GON4L: variants seen among roughly 807,000 people sequenced by gnomAD.
GON4L encodes the protein GON-4-like protein.
GON4L carries 87 observed loss-of-function variants against 211.8 expected under a neutral mutation model. The ratio of observed to expected loss-of-function variants is 0.41; its 90% CI spans 0.35 to 0.49. The LOEUF is 0.49. Ranked by LOEUF, GON4L falls within the 20% of genes least tolerant of loss-of-function variation. The probability of loss-of-function intolerance (pLI) is 0.15; values close to 1 mark genes in which losing one functional copy is unlikely to be tolerated. For synonymous variants in GON4L, 875 were observed against 962.6 expected (o/e 0.91, Z 1.68); for missense variants, 2,155 against 2,659.5 (o/e 0.81, Z 4.17).
chr1:155,771,102 G>C lies in GON4L; in HGVS notation c.2611C>G (p.Leu871Val). 6.2e-7 allele frequency: 1 copy of C among 1,614,174 alleles called. No homozygotes were observed. Among genetic ancestry groups the C allele is most frequent in the Non-Finnish European group, 8.5e-7 (1 of 1,180,032 alleles). ...TTGTCAGGAGCTCTGTTCATGTTGA[G>C]GTTCTTGATTCTCACTGTCAGTTGG... ...AHQLTVRIKN[L>V]NMNRAPDNII... is the part of the protein sequence containing the mutation. Residue 871 changes from leucine (L) to valine (V), a missense_variant, in exon 19 of 32, where the codon CTC becomes GTC. By Grantham distance (32) the Leu-to-Val change is conservative. Coordinates refer to ENST00000368331, the MANE Select transcript of GON4L (RefSeq NM_001282860.2).
At chr1:155,789,140 G>A (rs1665260197) in intron 12 of GON4L, among the ~76,000 whole-genome samples, 1 of 151,952 alleles carries the variant, frequency 6.6e-6, no homozygotes, top group Non-Finnish European at 1.5e-5. Flanking sequence ...GATGGTGTGG[G>A]GATTGACTTG....
chr1:155,757,435 C>A, intron 25 of GON4L, 112 bp from the exon 26 acceptor site: 2 of 902,486 alleles, frequency 2.2e-6, no homozygotes, highest in Non-Finnish European at 3.4e-6. Flanking sequence ...CTGGGAAACA[C>A]ACAGAGACTC....
At chr1:155,796,497 C>T (rs1301386590) in intron 11 of GON4L, among the ~76,000 whole-genome samples, 1 of 151,964 alleles carries the variant, frequency 6.6e-6, no homozygotes, top group Non-Finnish European at 1.5e-5. Context: ...AAGCTGGTCT[C>T]GAACTCCTGA....
chr1:155,797,189 A>T (rs1291142979), intron 11 of GON4L, among the ~76,000 whole-genome samples: 1 of 151,704 alleles, frequency 6.6e-6, no homozygotes, highest in Admixed American at 6.6e-5. Context: ...ATCTCAGCTC[A>T]CTGCAACCTC....
At chr1:155,855,979 CAAAAAAAAAAAA>C (rs755007254) in intron 1 of GON4L, among the ~76,000 whole-genome samples, 9 of 23,708 alleles carry the variant, frequency 3.8e-4, no homozygotes, top group South Asian at 3.6e-3. Flanking sequence ...GAGACTCTGT[CAAAAAAAAAAAA>C]AAAAAAAAAA....
At chr1:155,770,226 A>C (rs1488442063) in intron 19 of GON4L, among the ~76,000 whole-genome samples, 1 of 151,920 alleles carries the variant, frequency 6.6e-6, no homozygotes, top group Non-Finnish European at 1.5e-5. Flanking sequence ...AAAAAACAAA[A>C]ACAAAACAAA....
intron 12 of GON4L, among the ~76,000 whole-genome samples, chr1:155,790,930 G>A (rs111461849): frequency 0.067 from 10,064 of 151,046 alleles, 414 homozygotes; most frequent in African/African-American, 0.12. Context: ...GAGACAGAGC[G>A]AGACTCCTTC....
At position 155,814,296 on chromosome 1, in the gene GON4L, T is replaced by C. The variant is rs189178134; in HGVS notation, c.1281+34A>G. 4.5e-4 allele frequency: 712 copies of C among 1,585,888 alleles called. No individual in the cohort carries two copies. The highest frequency in any genetic ancestry group is 5.6e-4 in the Non-Finnish European group (650 of 1,155,998). ...GTTAAAAAATCTACTTAGACAGTTATGTCTAACATCTCTTTTGTATGATGC... is the reference window on the plus strand; with the variant it reads ...GTTAAAAAATCTACTTAGACAGTTACGTCTAACATCTCTTTTGTATGATGC... On this transcript the variant is annotated intron_variant, in intron 9 of 31. Coordinates refer to ENST00000368331, the MANE Select transcript of GON4L (RefSeq NM_001282860.2).
At chr1:155,757,436 A>T (rs979658104) in intron 25 of GON4L, 113 bp from the exon 26 acceptor site, 2 of 901,908 alleles carry the variant, frequency 2.2e-6, no homozygotes, top group Admixed American at 4.7e-5. Context: ...TGGGAAACAC[A>T]CAGAGACTCT....
At chr1:155,749,344 C>T (rs1219039879), downstream of GON4L, 2 of 1,610,260 alleles carry the variant, frequency 1.2e-6, no homozygotes, top group Non-Finnish European at 8.5e-7. Context: ...ACCCCAGGGA[C>T]ACCTCCACCC....
In GON4L at chr1:155,799,624, A is replaced by G. The variant is rs117886817; in HGVS notation, c.1646-4473T>C. 2.0e-5 allele frequency among the ~76,000 whole-genome samples: 3 copies of G among 152,308 alleles called. No individual in the cohort carries two copies. In the East Asian group the frequency reaches 5.8e-4, roughly 29 times the overall value. ...CATACTCATTAGATTCTGATTCAGTAGGTAAGGGGTGAAGCCCTGAAATCT... is the reference window on the plus strand; with the variant it reads ...CATACTCATTAGATTCTGATTCAGTGGGTAAGGGGTGAAGCCCTGAAATCT... On this transcript the variant is annotated intron_variant, in intron 11 of 31. Coordinates refer to ENST00000368331, the MANE Select transcript of GON4L (RefSeq NM_001282860.2).
In GON4L at chr1:155,805,097, C is replaced by T; in HGVS notation, c.1497G>A (p.Met499Ile). Residue 499 changes from methionine to isoleucine, a missense_variant, in exon 11 of 32, where the codon ATG (methionine) becomes ATA (isoleucine). Physicochemically the swap from Met to Ile is conservative, Grantham distance 10. Transcript: ENST00000368331. ...SLIAFRTRSKMPLKDVPLGQL... is the reference protein window; with the variant it reads ...SLIAFRTRSKIPLKDVPLGQL... ...GGCCCAGGGGAACATCTTTCAGGGG[C>T]ATCTTAGAACGCGTTCGAAATGCAA... 6.2e-7 allele frequency: 1 copy of T among 1,613,788 alleles called. No individual in the cohort carries two copies. Among genetic ancestry groups the T allele is most frequent in the Non-Finnish European group, 8.5e-7 (1 of 1,179,768 alleles).
chr1:155,841,247 GT>G (rs1670748858), intron 2 of GON4L, among the ~76,000 whole-genome samples: 1 of 152,072 alleles, frequency 6.6e-6, no homozygotes, highest in African/African-American at 2.4e-5. Context: ...TTCTTTATGT[GT>G]TGTTTTATCT....
At chr1:155,772,904 C>G (rs543523927) in intron 18 of GON4L, among the ~76,000 whole-genome samples, 162 bp downstream of exon 18, 103 of 152,244 alleles carry the variant, frequency 6.8e-4, no homozygotes, top group Non-Finnish European at 1.1e-3. Context: ...ACTGCTAGAA[C>G]AAGCACGTCC....
At chr1:155,762,893 G>C (rs1445483601) in intron 22 of GON4L, among the ~76,000 whole-genome samples, 1 of 152,060 alleles carries the variant, frequency 6.6e-6, no homozygotes, top group Non-Finnish European at 1.5e-5. Context: ...AAAATTAGCT[G>C]GGTGTGGGGG....
intron 19 of GON4L, among the ~76,000 whole-genome samples, chr1:155,768,146 T>C (rs1399879551): frequency 6.6e-6 from 1 of 151,184 alleles, no homozygotes; most frequent in East Asian, 1.9e-4. Context: ...CCTACAAAAA[T>C]ACAAAAATTA....
At chr1:155,835,963 G>C (rs1368126740) in intron 2 of GON4L, among the ~76,000 whole-genome samples, 3 of 152,212 alleles carry the variant, frequency 2.0e-5, no homozygotes, top group Non-Finnish European at 4.4e-5. Flanking sequence ...GACTGATTGG[G>C]TTGAGCACCG....
In GON4L at chr1:155,767,448, G is replaced by A. The variant is rs1033083609; in HGVS notation, c.2740C>T (p.His914Tyr). Residue 914 changes from histidine (H) to tyrosine (Y), a missense_variant, in exon 20 of 32, where the codon CAC (histidine) becomes TAC (tyrosine). Around this residue, in one of 6 missense-constraint regions of GON4L, gnomAD observed 551 missense variants for 854.0 expected, o/e 0.65. Transcript: ENST00000368331. ...ACCTTTAACCAGAATGGGAGCCGGT[G>A]TTCTTCTCTCTCTATAGGTGGCTTC... is the stretch of plus-strand genomic sequence containing the variant. ...QWKPPIEREE[H>Y]RLPFWLKASL... 32 of 1,613,512 alleles carry A rather than the reference G, an allele frequency of 2.0e-5. No individual in the cohort carries two copies. Among genetic ancestry groups the A allele is most frequent in the Non-Finnish European group, 2.4e-5 (28 of 1,179,746 alleles).
intron 3 of GON4L, among the ~76,000 whole-genome samples, chr1:155,825,059 G>A (rs991109123): frequency 3.9e-5 from 6 of 152,104 alleles, no homozygotes; most frequent in South Asian, 2.1e-4. Context: ...AGTTGCTGGG[G>A]AGGCTGAAGT....
Sources: gnomAD v4.1 joint callset for allele counts (sites outside exome capture counted in the v4.1 genomes callset) on GRCh38, gnomAD v4.1.1 for gene constraint, gnomAD v4.1.1 regional missense constraint, MANE v1.5 for transcripts, NCBI Gene and HGNC (gene_info 2026-07-23, HGNC 2026-07-21) for gene names.